The following IQCH variants were observed in gnomAD, a reference collection of about 807,000 sequenced individuals.
The protein encoded by IQCH is IQ motif containing H, also known as IQ domain-containing protein H.
Under a neutral mutation model 117.0 loss-of-function variants are expected in IQCH, and 98 were observed. The observed-to-expected ratio is 0.84, with a 90% CI of 0.71 to 0.99. The LOEUF is 0.99. IQCH is among the 50% of genes least tolerant of loss of function. The pLI is 0.00. For missense variants in IQCH, 1,102 were observed against 1,243.8 expected, an observed-to-expected ratio of 0.89 and a Z score of 1.72; for synonymous variants, 412 against 448.2, an observed-to-expected ratio of 0.92 and a Z score of 1.02.
In IQCH at chr15:67,411,253, G is replaced by A. The variant is rs1243730476; in HGVS notation, c.2098-5678G>A. Among the ~76,000 whole-genome samples the A allele has an allele frequency of 1.3e-5, 2 of 152,070 alleles. No individual in the cohort carries two copies. The highest frequency in any genetic ancestry group is 4.8e-5 in the African/African-American group (2 of 41,400). ...GCTCCCCACTTTACACTCTGAAGAG[G>A]CAGCAGGGCCGGTGGGGAGCACTTA... On this transcript the variant is annotated intron_variant, in intron 14 of 20. Coordinates refer to ENST00000335894, the MANE Select transcript of IQCH (RefSeq NM_001031715.3). The surrounding 1 kb of genome is among the most constrained non-coding windows in gnomAD (Gnocchi z 4.4).
At position 67,500,303 on chromosome 15, in the gene IQCH, A is replaced by G. The variant is rs542887844; in HGVS notation, c.2971-330A>G. Among the ~76,000 whole-genome samples the G allele has an allele frequency of 3.2e-4, 48 of 152,194 alleles. No individual in the cohort carries two copies. Among genetic ancestry groups the G allele is most frequent in the Non-Finnish European group, 5.3e-4 (36 of 68,018 alleles). On this transcript the variant is annotated intron_variant, in intron 20 of 20. Transcript: ENST00000335894. The surrounding 1 kb of genome is among the most constrained non-coding windows in gnomAD (Gnocchi z 4.4). Reference sequence around the variant, plus strand: ...TTTGTTTTGATTTTATCTGACTATCATGGATCAACATTTTTAACAAAATAG... The same window carrying G: ...TTTGTTTTGATTTTATCTGACTATCGTGGATCAACATTTTTAACAAAATAG...
intron 3 of IQCH, among the ~76,000 whole-genome samples, chr15:67,270,195 A>G (rs1380737245): frequency 2.6e-5 from 4 of 152,124 alleles, no homozygotes; most frequent in Admixed American, 2.0e-4. Context: ...TTCCTTTCCA[A>G]TTTGGATGCC....
Position 67,388,983 on chromosome 15 carries a change from C to T in IQCH, c.1609C>T (p.Pro537Ser), listed in dbSNP as rs751961158. 3.1e-6 allele frequency: 5 copies of T among 1,613,604 alleles called. No homozygotes were observed. The highest frequency in any genetic ancestry group is 4.2e-6 in the Non-Finnish European group (5 of 1,179,682). The part of the protein sequence containing the change: ...DLQDRFKIIT[P>S]EAVNIFPKHH... Reference sequence around the variant, plus strand: ...GCAGGACAGGTTCAAAATTATCACACCTGAAGCTGTAAACATCTTCCCTGT... The same window carrying T: ...GCAGGACAGGTTCAAAATTATCACATCTGAAGCTGTAAACATCTTCCCTGT... Residue 537 changes from proline to serine, a missense_variant, in exon 12 of 21, where the codon CCT (proline) becomes TCT (serine). Pro to Ser is a moderately conservative substitution (Grantham distance 74, BLOSUM62 -1). This residue lies in a region of IQCH where 650 missense variants were observed against 794.3 expected (regional missense o/e 0.82). Coordinates refer to ENST00000335894, the MANE Select transcript of IQCH (RefSeq NM_001031715.3). This position sits in a 1 kb window ranked among gnomAD's most constrained non-coding sequence, Gnocchi z 5.5.
At chr15:67,461,116 C>G (rs2082781335) in intron 16 of IQCH, among the ~76,000 whole-genome samples, 1 of 152,142 alleles carries the variant, frequency 6.6e-6, no homozygotes, top group Non-Finnish European at 1.5e-5. Flanking sequence ...GTGCTCATGC[C>G]TGTAATCCCA....
In IQCH at chr15:67,359,761, G is replaced by T. The variant is rs1267258067; in HGVS notation, c.715-86G>T. The T allele has an allele frequency of 2.6e-6, 3 of 1,163,958 alleles. No homozygotes were observed. Among genetic ancestry groups the T allele is most frequent in the Non-Finnish European group, 3.9e-6 (3 of 770,256 alleles). 72.1% of individuals were successfully genotyped at this position (1,163,958 alleles called of 1,614,324 possible). A position where few individuals can be genotyped will look rare whatever the true frequency, so the allele number is the denominator to read the frequency against. ...GCCCAGCGGGTAAAATGGGGAAGGG[G>T]GTGAGGCTCTGAGCCTTCTATTTGT... On this transcript the variant is annotated intron_variant, in intron 7 of 20. Transcript: ENST00000335894. This position sits in a 1 kb window ranked among gnomAD's most constrained non-coding sequence, Gnocchi z 4.5.
intron 18 of IQCH, among the ~76,000 whole-genome samples, chr15:67,480,988 T>C (rs1024912163): frequency 1.3e-5 from 2 of 151,922 alleles, no homozygotes; most frequent in Non-Finnish European, 2.9e-5. Flanking sequence ...CTTTGCAAAA[T>C]GGGAAAAGCT....
At chr15:67,415,319 G>T (rs1482823569) in intron 14 of IQCH, among the ~76,000 whole-genome samples, 1 of 152,174 alleles carries the variant, frequency 6.6e-6, no homozygotes, top group Non-Finnish European at 1.5e-5. Flanking sequence ...AGAGCTCTCT[G>T]CATGAACGCT....
intron 4 of IQCH, among the ~76,000 whole-genome samples, chr15:67,325,968 CT>C (rs760121473): frequency 1.3e-5 from 2 of 151,998 alleles, no homozygotes; most frequent in South Asian, 2.1e-4. Flanking sequence ...TTACATTAAT[CT>C]TTTTTTTATT....
chr15:67,372,589 A>C lies in IQCH; in HGVS notation c.1232A>C (p.His411Pro), dbSNP rs1449401310. Residue 411 changes from histidine to proline, a missense_variant, in exon 9 of 21, where the codon CAT becomes CCT. This residue lies in a region of IQCH where 650 missense variants were observed against 794.3 expected (regional missense o/e 0.82). Transcript: ENST00000335894. ...GCCATTGCTTGGCTGTTATATTGCC[A>C]TAAGACTCGACTAAAGAAGATACTA... ...VIAIAWLLYC[H>P]KTRLKKILKE... is the part of the protein sequence containing the mutation. 3 of 1,613,934 alleles carry C rather than the reference A, an allele frequency of 1.9e-6. No homozygotes were observed. The highest frequency in any genetic ancestry group is 4.5e-5 in the East Asian group (2 of 44,896).
Position 67,371,534 on chromosome 15 carries a change from G to T in IQCH, c.754-577G>T, listed in dbSNP as rs375739268. 2.5e-5 allele frequency: 39 copies of T among 1,530,226 alleles called. 1 individual carries two copies. The highest frequency in any genetic ancestry group is 1.1e-4 in the East Asian group (5 of 43,584). The allele number at this position is 1,530,226 out of a possible 1,614,324, so 94.8% of individuals were successfully genotyped here. A position where few individuals can be genotyped will look rare whatever the true frequency, so the allele number is the denominator to read the frequency against. ...CAAGAGAAACCTAAGAATGACAAAGGTGATAACATATAACATAATGTTCCT... is the reference window on the plus strand; with the variant it reads ...CAAGAGAAACCTAAGAATGACAAAGTTGATAACATATAACATAATGTTCCT... On this transcript the variant is annotated intron_variant, in intron 8 of 20. Transcript: ENST00000335894.
At chr15:67,304,127 A>G (rs1034332838) in intron 4 of IQCH, among the ~76,000 whole-genome samples, 1 of 151,760 alleles carries the variant, frequency 6.6e-6, no homozygotes, top group East Asian at 1.9e-4. Context: ...GAGCAATGGG[A>G]TACACGGAGG....
chr15:67,454,013 G>A lies in IQCH; in HGVS notation c.2506-11114G>A, dbSNP rs1346507539. 6.6e-6 allele frequency among the ~76,000 whole-genome samples: 1 copy of A among 152,250 alleles called. No homozygotes were observed. ...TAGCAATGAGCAAGACTCCTTGGGT[G>A]TAGGACCCTCTGAGCCATGTGAGGG... On this transcript the variant is annotated intron_variant, in intron 16 of 20. Transcript: ENST00000335894. This position sits in a 1 kb window ranked among gnomAD's most constrained non-coding sequence, Gnocchi z 5.2.
At chr15:67,258,301 G>A (rs1302669563) in intron 1 of IQCH, among the ~76,000 whole-genome samples, 2 of 151,622 alleles carry the variant, frequency 1.3e-5, no homozygotes, top group South Asian at 2.1e-4. Flanking sequence ...AGGCCGAGGC[G>A]GGAGAATCAC....
chr15:67,421,633 A>G, intron 16 of IQCH, 56 bp downstream of exon 16: 1 of 1,543,820 alleles, frequency 6.5e-7, no homozygotes. Context: ...TCCGCACCCT[A>G]CACACCTACA....
intron 3 of IQCH, among the ~76,000 whole-genome samples, chr15:67,266,779 T>C (rs1158309864): frequency 6.6e-6 from 1 of 152,248 alleles, no homozygotes; most frequent in Non-Finnish European, 1.5e-5. Flanking sequence ...TGGGATTTTT[T>C]TGGCTGACTT....
intron 4 of IQCH, among the ~76,000 whole-genome samples, chr15:67,321,431 CTTCTT>C (rs1011367190): frequency 3.3e-4 from 50 of 151,940 alleles, no homozygotes; most frequent in African/African-American, 8.4e-4. Context: ...TCCTTCCTTC[CTTCTT>C]TTCTTTTCTT....
intron 14 of IQCH, among the ~76,000 whole-genome samples, chr15:67,412,709 A>G (rs1374903200): frequency 1.3e-5 from 2 of 152,150 alleles, no homozygotes; most frequent in Non-Finnish European, 2.9e-5. Context: ...TCATTTCACA[A>G]GTTTTTGAGA....
At position 67,365,682 on chromosome 15, in the gene IQCH, C is replaced by A. The variant is rs1970307499; in HGVS notation, c.753+5797C>A. ...CGGTGGCTCACGCCTGTAATCCCAG[C>A]ACTTTGGGAGGTCATGGCATGCAGA... On this transcript the variant is annotated intron_variant, in intron 8 of 20. Transcript: ENST00000335894. This position sits in a 1 kb window ranked among gnomAD's most constrained non-coding sequence, Gnocchi z 4.4. 6.6e-6 allele frequency among the ~76,000 whole-genome samples: 1 copy of A among 152,188 alleles called. No individual in the cohort carries two copies.
At position 67,477,467 on chromosome 15, in the gene IQCH, G is replaced by A. The variant is rs543269200; in HGVS notation, c.2799+1649G>A. ...TGCCAGGCACTGTCAGGGCACATGA[G>A]ACTCTTTGGTTAGATGAATTCGTGC... On this transcript the variant is annotated intron_variant, in intron 18 of 20. Transcript: ENST00000335894. Among the ~76,000 whole-genome samples, 5 of 152,316 alleles carry A rather than the reference G, an allele frequency of 3.3e-5. No homozygotes were observed. In the South Asian group the frequency reaches 1.0e-3, roughly 32 times the overall value.
Sources: allele counts gnomAD v4.1 joint callset (sites outside exome capture counted in the v4.1 genomes callset), GRCh38; gene constraint gnomAD v4.1.1; regional missense constraint gnomAD v4.1.1; non-coding constraint Gnocchi (gnomAD v3.1); transcripts MANE v1.5; gene names NCBI Gene and HGNC (gene_info 2026-07-23, HGNC 2026-07-21).